Variants in PTPRD observed in about 807,000 individuals in gnomAD.
The protein encoded by PTPRD is protein tyrosine phosphatase receptor type D, also known as receptor-type tyrosine-protein phosphatase delta.
In PTPRD, 34 loss-of-function variants were observed where a neutral mutation model predicts 214.5. The ratio of observed to expected loss-of-function variants is 0.16; its 90% CI spans 0.12 to 0.21. The LOEUF is 0.21. Ranked by LOEUF, PTPRD falls within the 10% of genes least tolerant of loss-of-function variation. The pLI is 1.00. For synonymous variants in PTPRD, 1,128 were observed against 845.7 expected, an observed-to-expected ratio of 1.33 and a Z score of -5.79; for missense variants, 2,545 against 2,398.7, an observed-to-expected ratio of 1.06 and a Z score of -1.27.
chr9:9,372,062 T>C (rs10816098), intron 9 of PTPRD, among the ~76,000 whole-genome samples: 30,114 of 152,084 alleles, frequency 0.2, 3,394 homozygotes, highest in East Asian at 0.34. Context: ...ATAAGTGCAG[T>C]GTGGTGCTGA....
intron 3 of PTPRD, among the ~76,000 whole-genome samples, chr9:10,104,740 G>C (rs988787850): frequency 6.6e-6 from 1 of 151,840 alleles, no homozygotes; most frequent in African/African-American, 2.4e-5. Flanking sequence ...AGTCAATACA[G>C]TAAAATGGTC....
intron 3 of PTPRD, among the ~76,000 whole-genome samples, chr9:10,156,078 TTGTGTGTG>T (rs71485323): frequency 0.11 from 14,911 of 132,568 alleles, 1,108 homozygotes; most frequent in East Asian, 0.36. Flanking sequence ...TTTTGAATGT[TTGTGTGTG>T]TGTGTGTGTG....
intron 21 of PTPRD, among the ~76,000 whole-genome samples, chr9:8,517,049 G>T (rs1424506284): frequency 2.6e-5 from 4 of 151,974 alleles, no homozygotes; most frequent in African/African-American, 9.7e-5. Flanking sequence ...ACCCTCAAGT[G>T]ATCCACCTAC....
At chr9:9,898,457 T>A (rs1796435911) in intron 5 of PTPRD, among the ~76,000 whole-genome samples, 1 of 151,892 alleles carries the variant, frequency 6.6e-6, no homozygotes, top group Non-Finnish European at 1.5e-5. Flanking sequence ...ATACTTCATG[T>A]TTTATTGACA....
intron 3 of PTPRD, among the ~76,000 whole-genome samples, chr9:10,272,679 T>TA (rs1246897467): frequency 6.6e-6 from 1 of 152,230 alleles, no homozygotes; most frequent in Non-Finnish European, 1.5e-5. Flanking sequence ...CAAATCCCCC[T>TA]AGTGTTTGAA....
chr9:8,662,487 T>G (rs1232580803), intron 12 of PTPRD, among the ~76,000 whole-genome samples: 1 of 152,174 alleles, frequency 6.6e-6, no homozygotes, highest in South Asian at 2.1e-4. Context: ...ATAGTCTATC[T>G]GTAGCCCACA....
At chr9:9,951,477 G>C (rs1482978983) in intron 4 of PTPRD, among the ~76,000 whole-genome samples, 2 of 152,164 alleles carry the variant, frequency 1.3e-5, no homozygotes, top group East Asian at 3.9e-4. Flanking sequence ...CCTAGGGAGG[G>C]ACACTTGAGC....
At chr9:10,269,775 C>G (rs1055968572) in intron 3 of PTPRD, among the ~76,000 whole-genome samples, 1 of 151,310 alleles carries the variant, frequency 6.6e-6, no homozygotes, top group Non-Finnish European at 1.5e-5. Flanking sequence ...AAAATATCTA[C>G]AATTCTATAA....
chr9:9,357,877 T>C (rs10125869), intron 9 of PTPRD, among the ~76,000 whole-genome samples: 33,268 of 150,820 alleles, frequency 0.22, 4,333 homozygotes, highest in African/African-American at 0.35. Flanking sequence ...CCAGGTAACA[T>C]CTTTACCTAC....
chr9:10,247,210 A>G (rs2092248682), intron 3 of PTPRD, among the ~76,000 whole-genome samples: 1 of 152,194 alleles, frequency 6.6e-6, no homozygotes, highest in South Asian at 2.1e-4. Context: ...ACCTAGAGAG[A>G]CAATAGTATC....
At chr9:9,445,572 G>T (rs746101569) in intron 8 of PTPRD, among the ~76,000 whole-genome samples, 2 of 152,072 alleles carry the variant, frequency 1.3e-5, no homozygotes, top group Non-Finnish European at 2.9e-5. Flanking sequence ...AAGCAAACAC[G>T]TCCTTCTTCA....
chr9:10,510,390 T>A (rs969386312), intron 2 of PTPRD, among the ~76,000 whole-genome samples: 14 of 152,148 alleles, frequency 9.2e-5, no homozygotes, highest in Non-Finnish European at 1.0e-4. Context: ...TACTGTCACA[T>A]ATAGAACAGT....
chr9:9,092,919 C>T (rs1355779900), intron 10 of PTPRD, among the ~76,000 whole-genome samples: 1 of 151,876 alleles, frequency 6.6e-6, no homozygotes, highest in Non-Finnish European at 1.5e-5. Flanking sequence ...ACCCAATACT[C>T]TATTATATGC....
intron 8 of PTPRD, among the ~76,000 whole-genome samples, chr9:9,543,780 G>A (rs150518609): frequency 2.4e-4 from 36 of 151,688 alleles, no homozygotes; most frequent in African/African-American, 8.0e-4. Context: ...ATACTATAGT[G>A]TTGCACACTT....
chr9:9,838,254 C>A (rs1321873556), intron 5 of PTPRD, among the ~76,000 whole-genome samples: 2 of 152,116 alleles, frequency 1.3e-5, no homozygotes, highest in African/African-American at 4.8e-5. Context: ...TTTATAGCAG[C>A]ATGATTTGTA....
intron 10 of PTPRD, among the ~76,000 whole-genome samples, chr9:9,109,552 C>T (rs933719307): frequency 6.6e-6 from 1 of 151,926 alleles, no homozygotes; most frequent in Non-Finnish European, 1.5e-5. Context: ...TAGTGGCCAT[C>T]AATATAATTG....
chr9:9,078,402 A>C (rs533379579), intron 10 of PTPRD, among the ~76,000 whole-genome samples: 1 of 152,214 alleles, frequency 6.6e-6, no homozygotes, highest in South Asian at 2.1e-4. Flanking sequence ...GTAAATAATT[A>C]ATGTTGAATG....
chr9:9,899,521 G>C (rs187181189), intron 5 of PTPRD, among the ~76,000 whole-genome samples: 1 of 152,176 alleles, frequency 6.6e-6, no homozygotes, highest in East Asian at 1.9e-4. Context: ...ACTGCTGTTA[G>C]AATGGTTATT....
At chr9:8,806,332 G>GATA (rs956218308) in intron 11 of PTPRD, among the ~76,000 whole-genome samples, 1 of 151,596 alleles carries the variant, frequency 6.6e-6, no homozygotes, top group Non-Finnish European at 1.5e-5. Context: ...TTTCCAAAGA[G>GATA]TTATAAAATG....
Sources: allele counts gnomAD v4.1 joint callset (sites outside exome capture counted in the v4.1 genomes callset), GRCh38; gene constraint gnomAD v4.1.1; transcripts MANE v1.5; gene names NCBI Gene and HGNC (gene_info 2026-07-23, HGNC 2026-07-21).